Variants in RIF1 observed in about 807,000 individuals in gnomAD.
RIF1 encodes replication timing regulatory factor 1, also known as telomere-associated protein RIF1.
RIF1 carries 45 observed loss-of-function variants against 247.1 expected under a neutral mutation model. The observed-to-expected ratio is 0.18, with a 90% CI of 0.14 to 0.23. The LOEUF is 0.23. Ranked by LOEUF, RIF1 falls within the 10% of genes least tolerant of loss-of-function variation. The pLI is 1.00. For synonymous variants in RIF1, 1,087 were observed against 978.8 expected, an observed-to-expected ratio of 1.11 and a Z score of -2.06; for missense variants, 2,967 against 2,862.5, an observed-to-expected ratio of 1.04 and a Z score of -0.83.
chr2:151,491,692 T>C (rs147872436), intron 9 of RIF1: 2 of 1,590,714 alleles, frequency 1.3e-6, no homozygotes, highest in East Asian at 2.3e-5. Context: ...CCATTAATCA[T>C]GTGTAAGCTT....
chr2:151,492,491 G>C (rs747342665), intron 9 of RIF1: 1 of 1,608,092 alleles, frequency 6.2e-7, no homozygotes, highest in Middle Eastern at 1.7e-4. Flanking sequence ...TCAGAATAAA[G>C]AACCTGATGC....
At chr2:151,497,669 G>A in intron 10 of RIF1, 1 of 1,586,054 alleles carries the variant, frequency 6.3e-7, no homozygotes. Context: ...TTCCATCTCG[G>A]GAGTGACAGG....
intron 11 of RIF1, among the ~76,000 whole-genome samples, 180 bp downstream of exon 11, chr2:151,435,760 G>GTTTTTTTTTTTTT (rs200108983): frequency 6.7e-6 from 1 of 148,828 alleles, no homozygotes; most frequent in African/African-American, 2.5e-5. Context: ...ATGTTTTTCT[G>GTTTTTTTTTTTTT]TTTTTTGTTT....
chr2:151,519,197 C>G, the RIF1 span: 3 of 703,330 alleles, frequency 4.3e-6, no homozygotes, highest in Non-Finnish European at 7.6e-6. Context: ...ATACCTCATT[C>G]ATAGTAGCCA....
intron 34 of RIF1, among the ~76,000 whole-genome samples, chr2:151,471,507 T>TA (rs1351176723): frequency 6.6e-6 from 1 of 152,218 alleles, no homozygotes; most frequent in Non-Finnish European, 1.5e-5. Flanking sequence ...TTTTAGGTCT[T>TA]ACAGTTAAAT....
At position 151,421,837 on chromosome 2, in the gene RIF1, A is replaced by AT. The variant is rs35077506; in HGVS notation, c.694-1098dup. Among the ~76,000 whole-genome samples the AT allele has an allele frequency of 5.2e-3, 734 of 142,180 alleles. 2 individuals are homozygous for AT. Among genetic ancestry groups the AT allele is most frequent in the African/African-American group, 8.0e-3 (312 of 38,852 alleles). 93.3% of individuals were successfully genotyped at this position (142,180 alleles called of 152,430 possible). A position where few individuals can be genotyped will look rare whatever the true frequency, so the allele number is the denominator to read the frequency against. On this transcript the variant is annotated intron_variant, in intron 7 of 35. Coordinates refer to ENST00000444746, the MANE Select transcript of RIF1 (RefSeq NM_018151.5). ...GAATTCAATTTTAGTGACATATATA[A>AT]TTTTTTTTTTTTTTTCGAGACAGTT...
downstream of RIF1, chr2:151,483,310 T>C (rs1003713626): frequency 6.6e-6 from 1 of 152,080 alleles, no homozygotes; most frequent in Non-Finnish European, 1.5e-5. Flanking sequence ...GATTAGAACA[T>C]TGGATATTGA....
intron 10 of RIF1, chr2:151,496,875 T>C: frequency 1.4e-6 from 2 of 1,440,680 alleles, no homozygotes; most frequent in South Asian, 2.5e-5. Context: ...TTAATATGTA[T>C]TATTTTAAAT....
chr2:151,462,373 T>C lies in RIF1; in HGVS notation c.3309-39T>C, dbSNP rs761099648. 7 of 1,463,938 alleles carry C rather than the reference T, an allele frequency of 4.8e-6. No individual in the cohort carries two copies. The African/African-American group carries it at 8.7e-5, about 18-fold the overall frequency. 90.7% of individuals were successfully genotyped at this position (1,463,938 alleles called of 1,614,324 possible). A position where few individuals can be genotyped will look rare whatever the true frequency, so the allele number is the denominator to read the frequency against. On this transcript the variant is annotated intron_variant, in intron 28 of 35. Transcript: ENST00000444746. ...TATATCTGTTTTATTCATTTTCAAATAATTATAAAAATAATATTCTTACTA... is the reference window on the plus strand; with the variant it reads ...TATATCTGTTTTATTCATTTTCAAACAATTATAAAAATAATATTCTTACTA...
intron 8 of RIF1, 88 bp downstream of exon 8, chr2:151,423,130 TA>T: frequency 1.4e-6 from 1 of 738,394 alleles, no homozygotes; most frequent in Non-Finnish European, 2.3e-6. Context: ...TGATGCTCAT[TA>T]TTTCCTTTGT....
At chr2:151,525,173 T>C in the RIF1 span, 10 of 1,613,388 alleles carry the variant, frequency 6.2e-6, 1 homozygote, top group South Asian at 4.4e-5. Context: ...ATCACTTTGC[T>C]TCTTGGCCAC....
At chr2:151,442,767 A>ATTTTTTTTTTTT in intron 16 of RIF1, among the ~76,000 whole-genome samples, 1 of 104,052 alleles carries the variant, frequency 9.6e-6, no homozygotes, top group Non-Finnish European at 1.9e-5. Context: ...AAAGAGCTTG[A>ATTTTTTTTTTTT]TTTTTTTTTT....
chr2:151,429,707 GTACCTAA>G (rs1163193779), intron 9 of RIF1, among the ~76,000 whole-genome samples: 6 of 152,138 alleles, frequency 3.9e-5, no homozygotes, highest in African/African-American at 1.4e-4. Context: ...CTCTAGAAGA[GTACCTAA>G]TAGTGGTTTA....
intron 14 of RIF1, 122 bp downstream of exon 14, chr2:151,438,868 A>G (rs1248902270): frequency 1.5e-5 from 9 of 613,942 alleles, no homozygotes; most frequent in Non-Finnish European, 2.6e-5. Context: ...TTCTTGCACT[A>G]CCGTAGCTTC....
At chr2:151,449,576 C>T (rs191060651) in intron 20 of RIF1, among the ~76,000 whole-genome samples, 36 of 152,254 alleles carry the variant, frequency 2.4e-4, no homozygotes, top group Non-Finnish European at 4.0e-4. Context: ...TTCAACCTCC[C>T]GAGTGGGTTG....
At chr2:151,413,287 C>T (rs1000034309) in intron 3 of RIF1, among the ~76,000 whole-genome samples, 1 of 152,030 alleles carries the variant, frequency 6.6e-6, no homozygotes, top group Admixed American at 6.6e-5. Flanking sequence ...CCCACCTTGG[C>T]CTCCCAAAGT....
intron 19 of RIF1, among the ~76,000 whole-genome samples, chr2:151,446,205 G>A (rs139016377): frequency 1.1e-4 from 17 of 150,654 alleles, no homozygotes; most frequent in African/African-American, 2.7e-4. Flanking sequence ...ATGGGGTTTC[G>A]CCATGTTGAC....
At chr2:151,485,279 A>T (rs2049543389), downstream of RIF1, 1 of 152,278 alleles carries the variant, frequency 6.6e-6, no homozygotes, top group South Asian at 2.1e-4. Context: ...GCTTCATTGA[A>T]TTTTTATAGG....
At position 151,433,192 on chromosome 2, in the gene RIF1, G is replaced by A; in HGVS notation, c.1041G>A (p.Met347Ile). ...TAGAAGTCTGGTGGTATTTACTGAT[G>A]AGACTTGGACCTCATCTTCCTGCTA... ...TKLEVWWYLL[M>I]RLGPHLPANF... is the part of the protein sequence containing the mutation. The change falls in exon 10 of 36, where the codon ATG becomes ATA. Residue 347 changes from methionine (M) to isoleucine (I), a missense_variant. By Grantham distance (10) the Met-to-Ile change is conservative (BLOSUM62 1). This residue lies in a region of RIF1 where 71 missense variants were observed against 132.9 expected (regional missense o/e 0.53). Coordinates refer to ENST00000444746, the MANE Select transcript of RIF1 (RefSeq NM_018151.5). The A allele has an allele frequency of 6.2e-7, 1 of 1,613,468 alleles. No homozygotes were observed. Among genetic ancestry groups the A allele is most frequent in the Non-Finnish European group, 8.5e-7 (1 of 1,179,472 alleles).
Sources: allele counts gnomAD v4.1 joint callset (sites outside exome capture counted in the v4.1 genomes callset), GRCh38; gene constraint gnomAD v4.1.1; regional missense constraint gnomAD v4.1.1; transcripts MANE v1.5; gene names NCBI Gene and HGNC (gene_info 2026-07-23, HGNC 2026-07-21).